Variants in HIGD1C observed in about 807,000 individuals in gnomAD.
HIGD1C encodes HIG1 domain family member 1C.
A neutral mutation model predicts 13.1 loss-of-function variants in HIGD1C; 11 were observed. The ratio of observed to expected loss-of-function variants is 0.84; its 90% confidence interval spans 0.53 to 1.39. The LOEUF (loss-of-function observed/expected upper bound fraction) is 1.39. Among genes scored for constraint, HIGD1C ranks in the 40% most tolerant of loss-of-function variants. The pLI is 0.00. For missense variants in HIGD1C, 110 were observed against 112.0 expected, an observed-to-expected ratio of 0.98 and a Z score of 0.08; for synonymous variants, 36 against 37.7, an observed-to-expected ratio of 0.95 and a Z score of 0.17.
At chr12:50,950,763 G>A (rs558317114), upstream of HIGD1C, among the ~76,000 whole-genome samples, 3 of 137,000 alleles carry the variant, frequency 2.2e-5, no homozygotes, top group African/African-American at 5.5e-5. Context: ...TGCAACCTCC[G>A]CCTCCCAGAT....
chr12:50,942,302 T>C, the HIGD1C span, among the ~76,000 whole-genome samples: 1 of 152,194 alleles, frequency 6.6e-6, no homozygotes, highest in Non-Finnish European at 1.5e-5. Flanking sequence ...ACCATTTCTG[T>C]TACTGGAACT....
In HIGD1C at chr12:50,969,711, A is replaced by G. The variant is rs150821267; in HGVS notation, c.230-731A>G. Among the ~76,000 whole-genome samples, 4 of 152,028 alleles carry G rather than the reference A, an allele frequency of 2.6e-5. No homozygotes were observed. The East Asian group carries it at 7.7e-4, about 29-fold the overall frequency. On this transcript the variant is annotated intron_variant, in intron 2 of 2. Transcript: ENST00000398455. Reference sequence around the variant, plus strand: ...GAGCAAGACTCCATCTCAAAAAAAAAAAAACAAAAACAAAACGTCATACTT... The same window carrying G: ...GAGCAAGACTCCATCTCAAAAAAAAGAAAACAAAAACAAAACGTCATACTT...
At chr12:50,963,346 G>C (rs547372842) in intron 2 of HIGD1C, among the ~76,000 whole-genome samples, 1 of 142,374 alleles carries the variant, frequency 7.0e-6, no homozygotes, top group Non-Finnish European at 1.5e-5. Context: ...CTCCAGCCTG[G>C]GTGAAAGGGC....
chr12:50,965,589 G>A (rs1204194361), intron 2 of HIGD1C, among the ~76,000 whole-genome samples: 1 of 152,068 alleles, frequency 6.6e-6, no homozygotes, highest in Non-Finnish European at 1.5e-5. Context: ...GACCCACCAG[G>A]CTTGACTATG....
upstream of HIGD1C, among the ~76,000 whole-genome samples, chr12:50,952,624 G>A (rs1211354623): frequency 6.6e-6 from 1 of 152,210 alleles, no homozygotes; most frequent in East Asian, 1.9e-4. Flanking sequence ...GCAGGGACTA[G>A]CCACAGGTGC....
intron 2 of HIGD1C, among the ~76,000 whole-genome samples, chr12:50,967,808 T>C (rs539022053): frequency 6.6e-6 from 1 of 152,198 alleles, no homozygotes; most frequent in African/African-American, 2.4e-5. Context: ...AAACTACCAG[T>C]AGTGATATAT....
At chr12:50,971,159 C>T (rs571173527), downstream of HIGD1C, among the ~76,000 whole-genome samples, 4 of 152,058 alleles carry the variant, frequency 2.6e-5, no homozygotes, top group South Asian at 2.1e-4. Context: ...GGATTACAGG[C>T]GTGAGCCACG....
Position 50,953,988 on chromosome 12 carries a change from T to C in HIGD1C, c.-11T>C, listed in dbSNP as rs774742206. 5 of 1,552,550 alleles carry C rather than the reference T, an allele frequency of 3.2e-6. 1 individual carries two copies. In the South Asian group the frequency reaches 5.6e-5, roughly 17 times the overall value. On this transcript the variant is annotated 5_prime_UTR_variant, in exon 1 of 3. Transcript: ENST00000398455. The stretch of plus-strand genomic sequence containing the variant: ...AACCACATTTATATCCTATTGTTAC[T>C]AGAGAAAAAAATGTCTTCAGATAAC...
chr12:50,947,447 T>C, the HIGD1C span, among the ~76,000 whole-genome samples: 796 of 152,248 alleles, frequency 5.2e-3, 9 homozygotes, highest in African/African-American at 0.018. Context: ...CCTTCCTCCA[T>C]TTTTAAAGTC....
chr12:50,950,057 C>T (rs1390046488), upstream of HIGD1C, among the ~76,000 whole-genome samples: 2 of 152,332 alleles, frequency 1.3e-5, no homozygotes, highest in East Asian at 3.9e-4. Context: ...TCAGAGTTAG[C>T]CCATCACCTG....
chr12:50,963,479 C>A (rs1191746097), intron 2 of HIGD1C, among the ~76,000 whole-genome samples: 1 of 151,980 alleles, frequency 6.6e-6, no homozygotes, highest in Admixed American at 6.6e-5. Flanking sequence ...AGACTGGAAC[C>A]CTTGTGGGTT....
the HIGD1C span, among the ~76,000 whole-genome samples, chr12:50,934,452 C>T: frequency 6.6e-6 from 1 of 152,210 alleles, no homozygotes; most frequent in South Asian, 2.1e-4. Context: ...TATAGGTTGA[C>T]TTCATTCAAC....
chr12:50,954,056 A>C, exon 1 of HIGD1C: 1 of 1,613,302 alleles, frequency 6.2e-7, no homozygotes, highest in Non-Finnish European at 8.5e-7. Context: ...ATCCCGACTA[A>C]TCAGGAAATC....
At chr12:50,968,592 C>G (rs1258068593) in intron 2 of HIGD1C, among the ~76,000 whole-genome samples, 1 of 151,974 alleles carries the variant, frequency 6.6e-6, no homozygotes, top group Non-Finnish European at 1.5e-5. Context: ...CTCTGTTGCC[C>G]AGGCTGGAGT....
intron 1 of HIGD1C, among the ~76,000 whole-genome samples, chr12:50,958,850 C>T (rs942487329): frequency 6.6e-6 from 1 of 151,338 alleles, no homozygotes; most frequent in African/African-American, 2.4e-5. Context: ...GACATCATCT[C>T]TACTAAAAAT....
At chr12:50,938,006 A>C in the HIGD1C span, among the ~76,000 whole-genome samples, 1 of 152,112 alleles carries the variant, frequency 6.6e-6, no homozygotes, top group Non-Finnish European at 1.5e-5. Flanking sequence ...CTGTACCTGG[A>C]ACTGGCAGCC....
the HIGD1C span, among the ~76,000 whole-genome samples, chr12:50,947,891 G>A: frequency 6.6e-6 from 1 of 152,226 alleles, no homozygotes; most frequent in Non-Finnish European, 1.5e-5. Flanking sequence ...GGAGGTTGCA[G>A]TGAGCCAAGA....
chr12:50,941,539 G>A, the HIGD1C span, among the ~76,000 whole-genome samples: 2 of 152,200 alleles, frequency 1.3e-5, no homozygotes. Flanking sequence ...GGTGGGAGGG[G>A]CGGTATGGTC....
At chr12:50,957,853 C>A (rs371690503) in intron 1 of HIGD1C, among the ~76,000 whole-genome samples, 1 of 151,868 alleles carries the variant, frequency 6.6e-6, no homozygotes, top group East Asian at 1.9e-4. Flanking sequence ...CCACTGCACT[C>A]CAGCCTTGGG....
Sources: gnomAD v4.1 joint callset for allele counts (sites outside exome capture counted in the v4.1 genomes callset) on GRCh38, gnomAD v4.1.1 for gene constraint, MANE v1.5 for transcripts, NCBI Gene and HGNC (gene_info 2026-07-23, HGNC 2026-07-21) for gene names.